CCDC12: variants seen among roughly 807,000 people sequenced by gnomAD.
CCDC12 encodes the protein coiled-coil domain-containing protein 12.
Under a neutral mutation model 25.7 loss-of-function variants are expected in CCDC12, and 28 were observed. That is an observed-to-expected ratio of 1.09 (90% CI 0.81 to 1.50). CCDC12 has a LOEUF of 1.50. Ranked by LOEUF, CCDC12 falls within the 40% of genes most tolerant of loss-of-function variation. The probability of loss-of-function intolerance (pLI) is 0.00; values close to 1 mark genes in which losing one functional copy is unlikely to be tolerated. For synonymous variants in CCDC12, 75 were observed against 87.7 expected (o/e 0.86, Z 0.81); for missense variants, 198 against 210.0 (o/e 0.94, Z 0.35).
At chr3:46,934,399 A>G (rs764637867) in intron 2 of CCDC12, among the ~76,000 whole-genome samples, 8 of 152,116 alleles carry the variant, frequency 5.3e-5, no homozygotes, top group Non-Finnish European at 1.0e-4. Flanking sequence ...TGCCAGCTCC[A>G]CTCCCTTTCA....
intron 1 of CCDC12, among the ~76,000 whole-genome samples, chr3:46,959,105 A>G (rs187070902): frequency 2.6e-5 from 4 of 152,326 alleles, no homozygotes; most frequent in Admixed American, 1.3e-4. Flanking sequence ...AAAAATCCTA[A>G]TTAAACCAAA....
rs946363760 is a variant in CCDC12, at chr3:46,923,763, C to T, written c.245-95G>A. Reference sequence around the variant, plus strand: ...CGTGGCCCCCAGGGAGAGACGGGACCCCAGGCTTCCTTGCTCCCACCTCTG... The same window carrying T: ...CGTGGCCCCCAGGGAGAGACGGGACTCCAGGCTTCCTTGCTCCCACCTCTG... On this transcript the variant is annotated intron_variant, in intron 3 of 6. Coordinates refer to ENST00000683445, the MANE Select transcript of CCDC12 (RefSeq NM_001277074.2). 5.6e-6 allele frequency: 6 copies of T among 1,075,418 alleles called. No individual in the cohort carries two copies. In the African/African-American group the frequency reaches 8.1e-5, roughly 14 times the overall value. The allele number at this position is 1,075,418 out of a possible 1,614,324, so 66.6% of individuals were successfully genotyped here. A position where few individuals can be genotyped will look rare whatever the true frequency, so the allele number is the denominator to read the frequency against.
intron 2 of CCDC12, among the ~76,000 whole-genome samples, chr3:46,935,073 G>C (rs574498675): frequency 1.3e-5 from 2 of 152,342 alleles, no homozygotes; most frequent in East Asian, 3.9e-4. Context: ...GCTGGGGTGG[G>C]AAGTCTCTCC....
chr3:46,940,905 C>T, intron 2 of CCDC12, 93 bp downstream of exon 2: 2 of 1,201,882 alleles, frequency 1.7e-6, no homozygotes, highest in Non-Finnish European at 1.2e-6. Context: ...GGGAACAGGG[C>T]AGACACTGAA....
chr3:46,973,940 TTC>T (rs1257825064), intron 1 of CCDC12, among the ~76,000 whole-genome samples: 2 of 152,190 alleles, frequency 1.3e-5, no homozygotes, highest in African/African-American at 4.8e-5. Flanking sequence ...AGCAGCGTTA[TTC>T]ACAACAGGCA....
Position 46,928,714 on chromosome 3 carries a change from GA to G in CCDC12, c.165-3180del, listed in dbSNP as rs555680851. Among the ~76,000 whole-genome samples, 148 of 152,280 alleles carry G rather than the reference GA, an allele frequency of 9.7e-4. 1 individual carries two copies. The highest frequency in any genetic ancestry group is 3.2e-3 in the African/African-American group (135 of 41,562). ...CAAGAGAAAGACTTTTTCAGACAAAGAAAGGTTAGGAGAATCAGTTATCAGT... is the reference window on the plus strand; with the variant it reads ...CAAGAGAAAGACTTTTTCAGACAAAGAAGGTTAGGAGAATCAGTTATCAGT... On this transcript the variant is annotated intron_variant, in intron 2 of 6. Coordinates refer to ENST00000683445, the MANE Select transcript of CCDC12 (RefSeq NM_001277074.2).
chr3:46,972,189 C>A (rs116029115), intron 1 of CCDC12, among the ~76,000 whole-genome samples: 310 of 152,340 alleles, frequency 2.0e-3, no homozygotes, highest in African/African-American at 7.1e-3. Flanking sequence ...AGACTATCCA[C>A]CAGGTGCGGT....
At chr3:46,951,798 A>AAAAT in intron 1 of CCDC12, among the ~76,000 whole-genome samples, 1 of 8,476 alleles carries the variant, frequency 1.2e-4, no homozygotes, top group African/African-American at 2.5e-4. Flanking sequence ...AAAAAAAAAA[A>AAAAT]ATATATATAT....
intron 1 of CCDC12, among the ~76,000 whole-genome samples, chr3:46,974,034 T>C (rs1331822676): frequency 6.6e-6 from 1 of 152,216 alleles, no homozygotes; most frequent in Non-Finnish European, 1.5e-5. Flanking sequence ...ACTGAGATTC[T>C]GACATATGCT....
Position 46,927,109 on chromosome 3 carries a change from C to A in CCDC12, c.165-1574G>T, listed in dbSNP as rs576172819. Among the ~76,000 whole-genome samples the A allele has an allele frequency of 2.0e-5, 3 of 152,292 alleles. No individual in the cohort carries two copies. In the South Asian group the frequency reaches 6.2e-4, roughly 32 times the overall value. ...CCTGCCAGGGCCCCTGAGCCTGGAGCCTTGGGGCTGGGCTGAACCACTGCG... is the reference window on the plus strand; with the variant it reads ...CCTGCCAGGGCCCCTGAGCCTGGAGACTTGGGGCTGGGCTGAACCACTGCG... On this transcript the variant is annotated intron_variant, in intron 2 of 6. Coordinates refer to ENST00000683445, the MANE Select transcript of CCDC12 (RefSeq NM_001277074.2).
intron 1 of CCDC12, among the ~76,000 whole-genome samples, chr3:46,968,555 AT>A (rs1172495706): frequency 1.3e-5 from 2 of 152,164 alleles, no homozygotes; most frequent in Non-Finnish European, 2.9e-5. Flanking sequence ...CTGTATCTCG[AT>A]TTTATAGACA....
At chr3:46,944,140 G>A (rs1318635016) in intron 1 of CCDC12, among the ~76,000 whole-genome samples, 1 of 152,132 alleles carries the variant, frequency 6.6e-6, no homozygotes, top group Non-Finnish European at 1.5e-5. Flanking sequence ...CCCATTCTAG[G>A]TCCTCAGTTT....
intron 1 of CCDC12, among the ~76,000 whole-genome samples, chr3:46,941,978 T>C (rs577175032): frequency 1.3e-5 from 2 of 152,256 alleles, no homozygotes; most frequent in Non-Finnish European, 2.9e-5. Flanking sequence ...GAAGTTTCCA[T>C]GAAAATTTTC....
At chr3:46,927,574 A>G (rs1252823657) in intron 2 of CCDC12, among the ~76,000 whole-genome samples, 2 of 152,196 alleles carry the variant, frequency 1.3e-5, no homozygotes, top group Non-Finnish European at 2.9e-5. Context: ...AGGCGGGAGC[A>G]GAGCCTTGCG....
chr3:46,973,353 C>A (rs1351118521), intron 1 of CCDC12, among the ~76,000 whole-genome samples: 110 of 103,878 alleles, frequency 1.1e-3, no homozygotes, highest in South Asian at 1.4e-3. Context: ...AGCTCCATCT[C>A]AAAAAAAAAA....
intron 1 of CCDC12, among the ~76,000 whole-genome samples, chr3:46,959,359 T>C (rs1298819300): frequency 6.6e-6 from 1 of 152,214 alleles, no homozygotes; most frequent in African/African-American, 2.4e-5. Context: ...AACTGCTAGA[T>C]GGCATGACTT....
chr3:46,979,724 A>G, upstream of CCDC12: 2 of 309,504 alleles, frequency 6.5e-6, no homozygotes, highest in Non-Finnish European at 1.2e-5. Context: ...CCACAGCCGC[A>G]GACTTCCCCA....
At chr3:46,980,693 A>G (rs2035268060), upstream of CCDC12, among the ~76,000 whole-genome samples, 1 of 152,114 alleles carries the variant, frequency 6.6e-6, no homozygotes, top group South Asian at 2.1e-4. Context: ...TCAGAAGGTG[A>G]GGGGAGTGAC....
At chr3:46,925,121 G>C (rs547578906) in intron 3 of CCDC12, 3 of 460,150 alleles carry the variant, frequency 6.5e-6, no homozygotes, top group South Asian at 5.3e-5. Flanking sequence ...CTGCCCTGCT[G>C]CCCAAGGGCC....
Sources: allele counts gnomAD v4.1 joint callset (sites outside exome capture counted in the v4.1 genomes callset), GRCh38; gene constraint gnomAD v4.1.1; transcripts MANE v1.5; gene names NCBI Gene and HGNC (gene_info 2026-07-23, HGNC 2026-07-21).